Variants in NRXN3 observed in about 807,000 individuals in gnomAD.
NRXN3 encodes the protein neurexin 3.
Under a neutral mutation model 137.6 loss-of-function variants are expected in NRXN3, and 32 were observed. The observed-to-expected ratio is 0.23, with a 90% CI of 0.18 to 0.31. The LOEUF (loss-of-function observed/expected upper bound fraction) is 0.31. NRXN3 is among the 10% of genes least tolerant of loss of function. The pLI, the probability that NRXN3 is intolerant of heterozygous loss-of-function variation, is 1.00. For synonymous variants in NRXN3, 798 were observed against 784.5 expected (o/e 1.02, Z -0.29); for missense variants, 1,574 against 2,062.5 (o/e 0.76, Z 4.59).
intron 6 of NRXN3, among the ~76,000 whole-genome samples, chr14:78,688,391 G>A (rs2098141267): frequency 6.6e-6 from 1 of 152,112 alleles, no homozygotes; most frequent in Admixed American, 6.5e-5. Context: ...AGTAAGTATT[G>A]CAAGAAAAAG....
intron 1 of NRXN3, among the ~76,000 whole-genome samples, chr14:78,208,056 G>A (rs1487460632): frequency 6.6e-6 from 1 of 152,084 alleles, no homozygotes; most frequent in Non-Finnish European, 1.5e-5. Context: ...GCATAGGTGG[G>A]TTATATAATC....
chr14:79,416,874 G>T (rs1167016095), intron 15 of NRXN3, among the ~76,000 whole-genome samples: 1 of 152,094 alleles, frequency 6.6e-6, no homozygotes, highest in African/African-American at 2.4e-5. Context: ...TCAGTTGAAA[G>T]GTCATCAACC....
intron 8 of NRXN3, among the ~76,000 whole-genome samples, chr14:78,757,100 A>G (rs939990656): frequency 1.3e-5 from 2 of 152,152 alleles, no homozygotes; most frequent in African/African-American, 4.8e-5. Context: ...TCAGATTTTC[A>G]TAACAATGAT....
chr14:79,705,200 C>G (rs2098772542), intron 19 of NRXN3, among the ~76,000 whole-genome samples: 1 of 152,116 alleles, frequency 6.6e-6, no homozygotes, highest in Non-Finnish European at 1.5e-5. Flanking sequence ...CAGTTCTTGG[C>G]TACCCACGGG....
intron 15 of NRXN3, among the ~76,000 whole-genome samples, chr14:79,093,262 G>A (rs777673401): frequency 5.3e-5 from 8 of 152,134 alleles, no homozygotes; most frequent in Non-Finnish European, 1.0e-4. Flanking sequence ...ATTGGAATAT[G>A]GAAGGATGCT....
At chr14:79,433,398 G>T (rs1267599623) in intron 15 of NRXN3, among the ~76,000 whole-genome samples, 1 of 152,136 alleles carries the variant, frequency 6.6e-6, no homozygotes, top group Non-Finnish European at 1.5e-5. Flanking sequence ...CTAAGTGGGT[G>T]TCCAGAGAAT....
chr14:78,333,725 G>A (rs1463358575), intron 4 of NRXN3, among the ~76,000 whole-genome samples: 1 of 152,162 alleles, frequency 6.6e-6, no homozygotes, highest in African/African-American at 2.4e-5. Flanking sequence ...GTTGAGGTGT[G>A]TGTGGGGGGC....
intron 4 of NRXN3, among the ~76,000 whole-genome samples, chr14:78,597,574 A>G (rs555674861): frequency 6.6e-6 from 1 of 152,282 alleles, no homozygotes; most frequent in Admixed American, 6.5e-5. Context: ...GCCATTCAAT[A>G]GTTTGACCTT....
In NRXN3 at chr14:79,059,289, A is replaced by G. The variant is rs530037766; in HGVS notation, c.3262+71148A>G. ...TTTTTTTTTTTTGAGATGGAGTCTC[A>G]CTCTGTCGCCCAGGCTGGAGTACAG... On this transcript the variant is annotated intron_variant, in intron 15 of 20. Coordinates refer to ENST00000335750, the MANE Select transcript of NRXN3 (RefSeq NM_001330195.2). 3.1e-3 allele frequency among the ~76,000 whole-genome samples: 299 copies of G among 95,422 alleles called. 1 individual carries two copies. The highest frequency in any genetic ancestry group is 5.3e-3 in the Non-Finnish European group (255 of 48,420). The allele number at this position is 95,422 out of a possible 152,430, so 62.6% of individuals were successfully genotyped here.
intron 4 of NRXN3, among the ~76,000 whole-genome samples, chr14:78,644,706 AG>A (rs2097669371): frequency 6.6e-6 from 1 of 152,182 alleles, no homozygotes; most frequent in Non-Finnish European, 1.5e-5. Context: ...AGCTACCTGG[AG>A]CTAGAGAGTC....
At chr14:78,471,318 ACACACACACACACACC>A (rs1050429389) in intron 4 of NRXN3, among the ~76,000 whole-genome samples, 17 of 84,450 alleles carry the variant, frequency 2.0e-4, no homozygotes, top group African/African-American at 6.2e-4. Flanking sequence ...ACACACACAC[ACACACACACACACACC>A]CCCAAGAAAT....
intron 8 of NRXN3, among the ~76,000 whole-genome samples, chr14:78,766,512 A>G (rs2098709628): frequency 6.6e-6 from 1 of 152,230 alleles, no homozygotes. Context: ...TGTCTAAAGG[A>G]TAAGAGTTTC....
chr14:79,144,177 G>A (rs549189659), intron 15 of NRXN3, among the ~76,000 whole-genome samples: 6 of 152,108 alleles, frequency 3.9e-5, no homozygotes, highest in African/African-American at 9.7e-5. Flanking sequence ...CTGATAATAC[G>A]TATTTGGACA....
At chr14:78,641,226 G>A (rs906464062) in intron 4 of NRXN3, among the ~76,000 whole-genome samples, 2 of 152,096 alleles carry the variant, frequency 1.3e-5, no homozygotes, top group African/African-American at 4.8e-5. Context: ...AAGGTGATAA[G>A]AGAGTGGTTG....
At chr14:79,606,314 A>G (rs920709294) in intron 16 of NRXN3, among the ~76,000 whole-genome samples, 1 of 152,272 alleles carries the variant, frequency 6.6e-6, no homozygotes, top group Non-Finnish European at 1.5e-5. Context: ...TTGCTTAAAA[A>G]AAGTTGCAGC....
intron 16 of NRXN3, among the ~76,000 whole-genome samples, chr14:79,518,903 G>A (rs913983418): frequency 1.3e-5 from 2 of 152,072 alleles, no homozygotes; most frequent in East Asian, 3.8e-4. Context: ...AATCCCGTTA[G>A]CATTGAGTAT....
chr14:78,398,518 G>T (rs1295994579), intron 4 of NRXN3, among the ~76,000 whole-genome samples: 1 of 152,124 alleles, frequency 6.6e-6, no homozygotes, highest in Non-Finnish European at 1.5e-5. Flanking sequence ...TGACACATGA[G>T]GGTGGGGCTT....
chr14:79,502,970 A>G (rs1263124348), intron 16 of NRXN3, among the ~76,000 whole-genome samples: 2 of 151,992 alleles, frequency 1.3e-5, no homozygotes, highest in South Asian at 2.1e-4. Context: ...CCCATCCACA[A>G]ATGATAAAAT....
At chr14:78,353,930 G>A (rs2083913889) in intron 4 of NRXN3, among the ~76,000 whole-genome samples, 1 of 152,146 alleles carries the variant, frequency 6.6e-6, no homozygotes, top group Non-Finnish European at 1.5e-5. Context: ...CCTTAAAAAG[G>A]CCATTCATAA....
Sources: gnomAD v4.1 joint callset for allele counts (sites outside exome capture counted in the v4.1 genomes callset) on GRCh38, gnomAD v4.1.1 for gene constraint, MANE v1.5 for transcripts, NCBI Gene and HGNC (gene_info 2026-07-23, HGNC 2026-07-21) for gene names.